EYA4: variants seen among roughly 807,000 people sequenced by gnomAD.
EYA4 encodes EYA transcriptional coactivator and phosphatase 4.
EYA4 carries 31 observed loss-of-function variants against 87.9 expected under a neutral mutation model. The ratio of observed to expected loss-of-function variants is 0.35; its 90% CI spans 0.27 to 0.48. The LOEUF (loss-of-function observed/expected upper bound fraction) is 0.48. Among genes scored for constraint, EYA4 ranks in the 20% least tolerant of loss-of-function variants. The probability of loss-of-function intolerance (pLI) is 0.99; values close to 1 mark genes in which losing one functional copy is unlikely to be tolerated. For synonymous variants in EYA4, 263 were observed against 270.6 expected (o/e 0.97, Z 0.28); for missense variants, 678 against 761.4 (o/e 0.89, Z 1.29).
At chr6:133,366,318 C>T (rs905459540) in intron 2 of EYA4, among the ~76,000 whole-genome samples, 43 of 152,164 alleles carry the variant, frequency 2.8e-4, no homozygotes, top group African/African-American at 1.0e-3. Flanking sequence ...GTTCAAGTTC[C>T]ATATGGCTGT....
chr6:133,281,737 C>T (rs1288892929), intron 2 of EYA4, among the ~76,000 whole-genome samples: 1 of 152,134 alleles, frequency 6.6e-6, no homozygotes, highest in African/African-American at 2.4e-5. Flanking sequence ...GAATAATACC[C>T]AACTGGTAGT....
chr6:133,301,010 C>T (rs1231003950), intron 2 of EYA4, among the ~76,000 whole-genome samples: 1 of 152,102 alleles, frequency 6.6e-6, no homozygotes, highest in Non-Finnish European at 1.5e-5. Context: ...TGCTAAAGGC[C>T]AACTCTAGCC....
intron 2 of EYA4, among the ~76,000 whole-genome samples, chr6:133,289,909 C>T (rs1051553303): frequency 2.6e-5 from 4 of 152,024 alleles, no homozygotes; most frequent in African/African-American, 7.3e-5. Flanking sequence ...AGGAGAACTG[C>T]GAAAACAAAC....
intron 17 of EYA4, among the ~76,000 whole-genome samples, chr6:133,516,343 A>G (rs1032064649): frequency 1.3e-5 from 2 of 152,080 alleles, no homozygotes; most frequent in Admixed American, 6.6e-5. Flanking sequence ...CGTGACCTAT[A>G]TAGCAAACAT....
chr6:133,528,523 C>T (rs1800813085), intron 19 of EYA4, among the ~76,000 whole-genome samples: 2 of 152,172 alleles, frequency 1.3e-5, no homozygotes, highest in Admixed American at 1.3e-4. Context: ...AGATCTATTT[C>T]TCTGTTACTT....
chr6:133,451,112 G>C (rs1170971637), intron 5 of EYA4, among the ~76,000 whole-genome samples: 4 of 152,086 alleles, frequency 2.6e-5, no homozygotes, highest in Non-Finnish European at 5.9e-5. Context: ...TCGCTATTTA[G>C]CTCTGCTATT....
intron 2 of EYA4, among the ~76,000 whole-genome samples, chr6:133,347,928 G>T (rs879748307): frequency 5.3e-5 from 8 of 152,138 alleles, no homozygotes; most frequent in Non-Finnish European, 1.0e-4. Flanking sequence ...TCACATTAGA[G>T]AATTATTTTT....
chr6:133,282,895 A>G (rs1777743783), intron 2 of EYA4, among the ~76,000 whole-genome samples: 1 of 152,204 alleles, frequency 6.6e-6, no homozygotes, highest in African/African-American at 2.4e-5. Context: ...TTTGGATAGT[A>G]TAGATATAAA....
chr6:133,351,160 A>T (rs1173067719), intron 2 of EYA4, among the ~76,000 whole-genome samples: 1 of 152,192 alleles, frequency 6.6e-6, no homozygotes, highest in Non-Finnish European at 1.5e-5. Context: ...AAATGGTATT[A>T]TAGTGAGGCT....
intron 2 of EYA4, among the ~76,000 whole-genome samples, chr6:133,348,785 G>A (rs574833818): frequency 3.9e-5 from 6 of 152,048 alleles, no homozygotes; most frequent in African/African-American, 1.4e-4. Context: ...CTAGCTCAGA[G>A]GTTCATCTCC....
At chr6:133,515,500 A>G (rs1223920412) in intron 17 of EYA4, 65 bp downstream of exon 17, 3 of 1,009,664 alleles carry the variant, frequency 3.0e-6, no homozygotes, top group South Asian at 1.3e-5. Flanking sequence ...TGTACAACAT[A>G]GAAAAAATGT....
rs183807068 is a variant in EYA4, at chr6:133,404,495, T to A, written c.83+22054T>A. 5.7e-4 allele frequency among the ~76,000 whole-genome samples: 87 copies of A among 152,316 alleles called. 1 individual carries two copies. The highest frequency in any genetic ancestry group is 1.9e-3 in the African/African-American group (79 of 41,564). On this transcript the variant is annotated intron_variant, in intron 3 of 19. Transcript: ENST00000355286. ...TTGTAAAACTTTCAGAGCTGTTTTT[T>A]TTTTCGTATTACAAATTTACTACAT...
intron 2 of EYA4, among the ~76,000 whole-genome samples, chr6:133,299,947 C>CCATCTA (rs1554220519): frequency 6.4e-5 from 9 of 140,258 alleles, no homozygotes; most frequent in African/African-American, 2.5e-4. Context: ...ATCTATCTAT[C>CCATCTA]TATCTATCTA....
intron 2 of EYA4, among the ~76,000 whole-genome samples, chr6:133,282,019 T>C (rs1777667361): frequency 6.6e-6 from 1 of 152,160 alleles, no homozygotes; most frequent in East Asian, 1.9e-4. Flanking sequence ...CATTCCATTG[T>C]TGTGGGCACC....
chr6:133,498,206 A>G (rs998869064), intron 13 of EYA4, among the ~76,000 whole-genome samples: 26 of 152,166 alleles, frequency 1.7e-4, no homozygotes, highest in Admixed American at 1.6e-3. Flanking sequence ...ATCTGAGGCA[A>G]TCCTAATGGC....
intron 2 of EYA4, among the ~76,000 whole-genome samples, chr6:133,293,739 C>T (rs566427344): frequency 1.3e-4 from 19 of 151,698 alleles, no homozygotes; most frequent in Non-Finnish European, 1.8e-4. Context: ...GGTTCGACAC[C>T]AGCCTGGGCA....
intron 3 of EYA4, among the ~76,000 whole-genome samples, chr6:133,390,259 A>G (rs1344628810): frequency 6.6e-6 from 1 of 152,028 alleles, no homozygotes; most frequent in East Asian, 1.9e-4. Flanking sequence ...TCGCTGTGTC[A>G]CCCAGACTGG....
intron 14 of EYA4, among the ~76,000 whole-genome samples, chr6:133,512,324 G>A (rs1799223322): frequency 6.6e-6 from 1 of 152,134 alleles, no homozygotes; most frequent in Non-Finnish European, 1.5e-5. Context: ...GTAACCATCT[G>A]AGGTGTTCAG....
At chr6:133,407,992 A>G (rs1441475704) in intron 3 of EYA4, among the ~76,000 whole-genome samples, 1 of 152,230 alleles carries the variant, frequency 6.6e-6, no homozygotes, top group Non-Finnish European at 1.5e-5. Flanking sequence ...TAAGAGCTGA[A>G]CATGAAAAAG....
Sources: gnomAD v4.1 joint callset for allele counts (sites outside exome capture counted in the v4.1 genomes callset) on GRCh38, gnomAD v4.1.1 for gene constraint, MANE v1.5 for transcripts, NCBI Gene and HGNC (gene_info 2026-07-23, HGNC 2026-07-21) for gene names.